Variants in SUCLG2 observed in about 807,000 individuals in gnomAD.
SUCLG2 encodes the protein succinate--CoA ligase [GDP-forming] subunit beta, mitochondrial.
SUCLG2 carries 42 observed loss-of-function variants against 47.9 expected under a neutral mutation model. The observed-to-expected ratio is 0.88, with a 90% CI of 0.69 to 1.14. The LOEUF is 1.14. Among genes scored for constraint, SUCLG2 ranks in the 50% most tolerant of loss-of-function variants. The pLI is 0.00. For missense variants in SUCLG2, 571 were observed against 525.9 expected, an observed-to-expected ratio of 1.09 and a Z score of -0.84; for synonymous variants, 195 against 197.3, an observed-to-expected ratio of 0.99 and a Z score of 0.10.
intron 10 of SUCLG2, among the ~76,000 whole-genome samples, chr3:67,398,657 A>C (rs6774763): frequency 0.33 from 50,336 of 151,652 alleles, 9,288 homozygotes; most frequent in Middle Eastern, 0.5. Flanking sequence ...TTGACCCAGC[A>C]ATCCCATTAC....
At chr3:67,558,658 T>C (rs1156967371) in intron 2 of SUCLG2, among the ~76,000 whole-genome samples, 1 of 152,198 alleles carries the variant, frequency 6.6e-6, no homozygotes, top group Non-Finnish European at 1.5e-5. Flanking sequence ...TACTGATCCG[T>C]TTCCAAAAGG....
rs138213544 is a variant in SUCLG2 at position 67,387,325 on chromosome 3, G to C, written c.1184-11466C>G. On this transcript the variant is annotated intron_variant, in intron 10 of 10. Coordinates refer to ENST00000307227, the MANE Select transcript of SUCLG2 (RefSeq NM_003848.4). ...CTGATTAAAATGTTGATGTCAGACTGTTTTCAGGGTCAAAGTGATCAGAGA... is the reference window on the plus strand; with the variant it reads ...CTGATTAAAATGTTGATGTCAGACTCTTTTCAGGGTCAAAGTGATCAGAGA... 4.3e-3 allele frequency among the ~76,000 whole-genome samples: 658 copies of C among 152,286 alleles called. 6 individuals carry two copies. The highest frequency in any genetic ancestry group is 0.015 in the African/African-American group (624 of 41,546).
At chr3:67,592,505 G>C (rs1177151468) in intron 2 of SUCLG2, among the ~76,000 whole-genome samples, 2 of 152,008 alleles carry the variant, frequency 1.3e-5, no homozygotes, top group African/African-American at 4.8e-5. Flanking sequence ...GAAAGAAACA[G>C]AGACCAAATA....
At chr3:67,581,632 A>C (rs866007913) in intron 2 of SUCLG2, among the ~76,000 whole-genome samples, 18 of 152,210 alleles carry the variant, frequency 1.2e-4, no homozygotes, top group Admixed American at 2.0e-4. Flanking sequence ...CAAGTTAGGG[A>C]GACAGATGAA....
intron 9 of SUCLG2, among the ~76,000 whole-genome samples, chr3:67,453,777 G>C (rs1326973715): frequency 6.6e-6 from 1 of 152,162 alleles, no homozygotes; most frequent in East Asian, 1.9e-4. Flanking sequence ...CTCCCAAGAA[G>C]GCAATGCCTC....
chr3:67,585,993 C>CAAAAAAAAAAAAAAAAAAAAAAAAAA (rs1575797477), intron 2 of SUCLG2, among the ~76,000 whole-genome samples: 1 of 20,738 alleles, frequency 4.8e-5, no homozygotes. Context: ...AAAAAAAAAC[C>CAAAAAAAAAAAAAAAAAAAAAAAAAA]AAACCCACAA....
chr3:67,573,000 G>A (rs1707656189), intron 2 of SUCLG2, among the ~76,000 whole-genome samples: 1 of 151,988 alleles, frequency 6.6e-6, no homozygotes, highest in Admixed American at 6.6e-5. Context: ...AAGATACAAA[G>A]ATCAATTGTA....
At chr3:67,373,826 C>T (rs1191762120), downstream of SUCLG2, among the ~76,000 whole-genome samples, 1 of 152,138 alleles carries the variant, frequency 6.6e-6, no homozygotes, top group Non-Finnish European at 1.5e-5. Flanking sequence ...TGGCCAGCAG[C>T]CATTATCCAC....
intron 2 of SUCLG2, among the ~76,000 whole-genome samples, chr3:67,561,662 T>G (rs1364420216): frequency 4.0e-5 from 6 of 151,864 alleles, no homozygotes; most frequent in Admixed American, 3.9e-4. Flanking sequence ...TGGTTTGTCT[T>G]TCTTTTTGCC....
intron 9 of SUCLG2, among the ~76,000 whole-genome samples, chr3:67,434,487 A>C (rs1292095173): frequency 6.6e-6 from 1 of 152,174 alleles, no homozygotes; most frequent in Non-Finnish European, 1.5e-5. Flanking sequence ...TGATCATGCC[A>C]CTTGTATTCC....
chr3:67,507,378 T>C (rs768132199), intron 7 of SUCLG2, among the ~76,000 whole-genome samples: 5 of 152,212 alleles, frequency 3.3e-5, no homozygotes, highest in Non-Finnish European at 7.3e-5. Flanking sequence ...ACTCTGAGAC[T>C]ACCTGAGAAG....
At chr3:67,573,870 C>T (rs1168340233) in intron 2 of SUCLG2, among the ~76,000 whole-genome samples, 1 of 152,136 alleles carries the variant, frequency 6.6e-6, no homozygotes, top group East Asian at 1.9e-4. Context: ...GGACAAAGAG[C>T]CCCATCTTTA....
intron 2 of SUCLG2, among the ~76,000 whole-genome samples, chr3:67,578,707 C>G (rs1354059872): frequency 2.0e-5 from 3 of 152,162 alleles, no homozygotes; most frequent in Non-Finnish European, 4.4e-5. Context: ...GGAATCATCC[C>G]TGAAGGAAGA....
At chr3:67,538,603 AT>A (rs1320036729) in intron 2 of SUCLG2, among the ~76,000 whole-genome samples, 13 of 152,306 alleles carry the variant, frequency 8.5e-5, no homozygotes, top group African/African-American at 3.1e-4. Flanking sequence ...AAGAAAGTCA[AT>A]GGTAGCTTCA....
intron 2 of SUCLG2, among the ~76,000 whole-genome samples, chr3:67,575,824 A>C (rs1240757624): frequency 1.3e-5 from 2 of 152,224 alleles, no homozygotes; most frequent in Non-Finnish European, 2.9e-5. Flanking sequence ...CTAAGAATAA[A>C]AAAAGTCCAT....
chr3:67,487,655 C>T (rs150458873), intron 9 of SUCLG2, among the ~76,000 whole-genome samples: 188 of 152,114 alleles, frequency 1.2e-3, no homozygotes, highest in African/African-American at 4.5e-3. Context: ...TTTAAAAATG[C>T]TACCTCTCCT....
rs148045832 is a variant in SUCLG2, at chr3:67,505,728, G to C, written c.757+3079C>G. ...TGTAATCCCAGCACTTTGGGAGGCC[G>C]AGGTGGGTGGATCACCTGAGGTCAG... is the stretch of plus-strand genomic sequence containing the variant. On this transcript the variant is annotated intron_variant, in intron 7 of 10. Transcript: ENST00000307227. Among the ~76,000 whole-genome samples, 5 of 152,316 alleles carry C rather than the reference G, an allele frequency of 3.3e-5. No individual in the cohort carries two copies. The East Asian group carries it at 9.6e-4, about 29-fold the overall frequency.
At chr3:67,466,880 G>A (rs1287594218) in intron 9 of SUCLG2, among the ~76,000 whole-genome samples, 1 of 152,198 alleles carries the variant, frequency 6.6e-6, no homozygotes, top group African/African-American at 2.4e-5. Context: ...GATATAACAT[G>A]CTTTACTGCT....
intron 9 of SUCLG2, among the ~76,000 whole-genome samples, chr3:67,442,298 C>T (rs1703786421): frequency 6.6e-6 from 1 of 152,188 alleles, no homozygotes; most frequent in Non-Finnish European, 1.5e-5. Context: ...GCGTGAGCCA[C>T]CGCGCCCGGC....
Sources: allele counts gnomAD v4.1 joint callset (sites outside exome capture counted in the v4.1 genomes callset), GRCh38; gene constraint gnomAD v4.1.1; transcripts MANE v1.5; gene names NCBI Gene and HGNC (gene_info 2026-07-23, HGNC 2026-07-21).